TUFT1: variants seen among roughly 807,000 people sequenced by gnomAD.
TUFT1 encodes the protein tuftelin 1.
Under a neutral mutation model 57.8 loss-of-function variants are expected in TUFT1, and 43 were observed. That is an observed-to-expected ratio of 0.74 (90% CI 0.58 to 0.96). The LOEUF (loss-of-function observed/expected upper bound fraction) is 0.96, where lower values mean the gene tolerates loss of function less well. TUFT1 is among the 40% of genes least tolerant of loss of function. The pLI is 0.00. For missense variants in TUFT1, 459 were observed against 489.0 expected (o/e 0.94, Z 0.58); for synonymous variants, 166 against 176.7 (o/e 0.94, Z 0.48).
chr1:151,578,661 G>A (rs1228784592), intron 9 of TUFT1, 60 bp from the exon 10 acceptor site: 3 of 1,437,592 alleles, frequency 2.1e-6, no homozygotes, highest in Non-Finnish European at 2.8e-6. Flanking sequence ...GGCTCTTCCT[G>A]TGACTGGGTA....
intron 6 of TUFT1, among the ~76,000 whole-genome samples, chr1:151,567,842 C>T (rs188476227): frequency 5.9e-5 from 9 of 152,268 alleles, no homozygotes; most frequent in South Asian, 2.1e-4. Flanking sequence ...CACTGCACCC[C>T]GCCACCATTA....
At chr1:151,557,671 C>T in intron 1 of TUFT1, 1 of 901,556 alleles carries the variant, frequency 1.1e-6, no homozygotes. Flanking sequence ...TGAGGGCATC[C>T]AGTATCTCCG....
intron 1 of TUFT1, among the ~76,000 whole-genome samples, chr1:151,550,851 TG>T (rs1374714792): frequency 6.6e-6 from 1 of 152,170 alleles, no homozygotes; most frequent in African/African-American, 2.4e-5. Flanking sequence ...CAATTGAGCC[TG>T]GGAGGTCAAG....
intron 7 of TUFT1, 112 bp downstream of exon 7, chr1:151,569,882 G>A (rs1009162669): frequency 5.8e-6 from 5 of 854,780 alleles, no homozygotes; most frequent in African/African-American, 5.0e-5. Flanking sequence ...GCCACAAACT[G>A]GAAAGGCAAG....
intron 4 of TUFT1, 93 bp from the exon 5 acceptor site, chr1:151,564,432 C>A (rs1393532537): frequency 1.1e-5 from 10 of 900,736 alleles, no homozygotes; most frequent in Non-Finnish European, 1.8e-5. Context: ...GCCTGACTCG[C>A]AGTACAGGCC....
Position 151,578,739 on chromosome 1 carries a change from G to C in TUFT1, c.837G>C (p.Lys279Asn). ...AEREKAATLE[K>N]EVAGLREKIH... ...TCCCCAGGGCTGCTACCCTGGAAAA[G>C]GAAGTGGCCGGGTTGCGGGAGAAGA... is the stretch of plus-strand genomic sequence containing the variant. The change falls in exon 10 of 13, where the codon AAG (lysine) becomes AAC (asparagine). Residue 279 changes from lysine (K) to asparagine (N), a missense_variant. Physicochemically the swap from Lys to Asn is moderately conservative, Grantham distance 94. Coordinates refer to ENST00000368849, the MANE Select transcript of TUFT1 (RefSeq NM_020127.3). 6.3e-7 allele frequency: 1 copy of C among 1,574,990 alleles called. No homozygotes were observed. Among genetic ancestry groups the C allele is most frequent in the East Asian group, 2.3e-5 (1 of 43,010 alleles).
intron 1 of TUFT1, among the ~76,000 whole-genome samples, chr1:151,548,065 T>C (rs1665394716): frequency 6.6e-6 from 1 of 152,178 alleles, no homozygotes; most frequent in Non-Finnish European, 1.5e-5. Flanking sequence ...CTTTGTGTCA[T>C]ACTCCACAAA....
At chr1:151,557,713 C>T in intron 1 of TUFT1, 1 of 804,766 alleles carries the variant, frequency 1.2e-6, no homozygotes, top group Non-Finnish European at 2.2e-6. Flanking sequence ...GAGATTGTGC[C>T]TGCCACTCTA....
intron 10 of TUFT1, 102 bp downstream of exon 10, chr1:151,578,928 G>A (rs1249338738): frequency 4.4e-6 from 4 of 916,862 alleles, no homozygotes; most frequent in South Asian, 1.5e-5. Flanking sequence ...CATTTCCCAT[G>A]TCAAACATTT....
chr1:151,563,861 A>C lies in TUFT1; in HGVS notation c.238-43A>C. ...GAAGCTGCCTATTTTTGTATAGTTA[A>C]TTTAATTTGAGGTTTCTTAACTAAA... On this transcript the variant is annotated intron_variant, in intron 3 of 12. Transcript: ENST00000368849. 1.9e-6 allele frequency: 3 copies of C among 1,558,180 alleles called. No individual in the cohort carries two copies. In the South Asian group the frequency reaches 3.3e-5, roughly 17 times the overall value.
intron 7 of TUFT1, among the ~76,000 whole-genome samples, chr1:151,571,116 T>C (rs907381416): frequency 1.3e-5 from 2 of 152,240 alleles, no homozygotes; most frequent in Admixed American, 1.3e-4. Context: ...GATAGGGTTA[T>C]AGCCTGCCTA....
At chr1:151,568,783 C>G (rs903268352) in intron 6 of TUFT1, among the ~76,000 whole-genome samples, 1 of 152,236 alleles carries the variant, frequency 6.6e-6, no homozygotes, top group Non-Finnish European at 1.5e-5. Flanking sequence ...TGTTTGGCCT[C>G]TTTCTTCTCA....
chr1:151,542,390 A>ATTTTTT (rs11432264), intron 1 of TUFT1, among the ~76,000 whole-genome samples: 2 of 139,070 alleles, frequency 1.4e-5, no homozygotes, highest in Non-Finnish European at 1.6e-5. Flanking sequence ...CCTGACTAAA[A>ATTTTTT]TTTTTTTTTT....
chr1:151,574,690 G>A (rs1016667399), intron 8 of TUFT1, among the ~76,000 whole-genome samples: 1 of 152,224 alleles, frequency 6.6e-6, no homozygotes, highest in African/African-American at 2.4e-5. Context: ...GCATGATGCA[G>A]GGCTGGGTTC....
At chr1:151,554,488 C>T (rs1343378662) in intron 1 of TUFT1, among the ~76,000 whole-genome samples, 4 of 152,142 alleles carry the variant, frequency 2.6e-5, no homozygotes, top group South Asian at 4.1e-4. Flanking sequence ...CAACCTCTGC[C>T]TCCCGGGTTC....
In TUFT1 at chr1:151,582,584, C is replaced by A. The variant is rs1218363590; in HGVS notation, c.*877C>A. On this transcript the variant is annotated 3_prime_UTR_variant, in exon 13 of 13. Coordinates refer to ENST00000368849, the MANE Select transcript of TUFT1 (RefSeq NM_020127.3). The stretch of plus-strand genomic sequence containing the variant: ...TTACATCTCATGATTGATATAATAC[C>A]AAAGTTCTATAGCCTTCTCTTGCAG... 1 of 194,846 alleles carries A rather than the reference C, an allele frequency of 5.1e-6. No homozygotes were observed. The highest frequency in any genetic ancestry group is 1.1e-5 in the Non-Finnish European group (1 of 94,368). The allele number at this position is 194,846 out of a possible 1,614,324, so 12.1% of individuals were successfully genotyped here.
At position 151,575,889 on chromosome 1, in the gene TUFT1, C is replaced by T. The variant is rs1474496109; in HGVS notation, c.818+884C>T. On this transcript the variant is annotated intron_variant, in intron 9 of 12. Transcript: ENST00000368849. ...TTTAGGATAACCTAGATTTGACCTT[C>T]CTGGCATGGAAAATACACGTGTCAT... 2.6e-5 allele frequency among the ~76,000 whole-genome samples: 4 copies of T among 152,294 alleles called. No individual in the cohort carries two copies. In the East Asian group the frequency reaches 7.7e-4, roughly 29 times the overall value.
chr1:151,574,708 G>C (rs780861302), intron 8 of TUFT1, among the ~76,000 whole-genome samples: 1 of 152,182 alleles, frequency 6.6e-6, no homozygotes, highest in Non-Finnish European at 1.5e-5. Context: ...TTCTGCCTCA[G>C]GGCAGCTGGG....
Position 151,581,034 on chromosome 1 carries a change from C to A in TUFT1, c.1101C>A (p.Asn367Lys). The A allele has an allele frequency of 6.2e-7, 1 of 1,614,124 alleles. No homozygotes were observed. The highest frequency in any genetic ancestry group is 8.5e-7 in the Non-Finnish European group (1 of 1,180,012). Residue 367 changes from asparagine (N) to lysine (K), a missense_variant, in exon 12 of 13, where the codon AAC (asparagine) becomes AAA (lysine). Physicochemically the swap from Asn to Lys is moderately conservative, Grantham distance 94. Coordinates refer to ENST00000368849, the MANE Select transcript of TUFT1 (RefSeq NM_020127.3). ...CCCAGGCCCGGGCCAAGACAGAGAA[C>A]CCGGGCAGGTGAGTGAGCGTGTGTA... The part of the protein sequence containing the change: ...FSTQARAKTE[N>K]PGSIRISKPP...
Sources: allele counts gnomAD v4.1 joint callset (sites outside exome capture counted in the v4.1 genomes callset), GRCh38; gene constraint gnomAD v4.1.1; transcripts MANE v1.5; gene names NCBI Gene and HGNC (gene_info 2026-07-23, HGNC 2026-07-21).